The following PPIP5K2 variants were observed in gnomAD, a reference collection of about 807,000 sequenced individuals.
PPIP5K2 encodes diphosphoinositol pentakisphosphate kinase 2.
Under a neutral mutation model 154.6 loss-of-function variants are expected in PPIP5K2, and 105 were observed. That is an observed-to-expected ratio of 0.68 (90% CI 0.58 to 0.80). PPIP5K2 has a LOEUF of 0.80. PPIP5K2 is among the 30% of genes least tolerant of loss of function. The pLI, the probability that PPIP5K2 is intolerant of heterozygous loss-of-function variation, is 0.00. For missense variants in PPIP5K2, 992 were observed against 1,504.6 expected, an observed-to-expected ratio of 0.66 and a Z score of 5.64; for synonymous variants, 480 against 490.3, an observed-to-expected ratio of 0.98 and a Z score of 0.28.
Position 103,206,876 on chromosome 5 carries a change from A to T in PPIP5K2, c.*5242A>T, listed in dbSNP as rs1803543746. The T allele has an allele frequency of 6.6e-6, 1 of 152,254 alleles. No individual in the cohort carries two copies. Among genetic ancestry groups the T allele is most frequent in the Non-Finnish European group, 1.5e-5 (1 of 68,092 alleles). The allele number at this position is 152,254 out of a possible 1,614,324, so 9.4% of individuals were successfully genotyped here. A position where few individuals can be genotyped will look rare whatever the true frequency, so the allele number is the denominator to read the frequency against. On this transcript the variant is annotated 3_prime_UTR_variant, in exon 31 of 31. Coordinates refer to ENST00000358359, the MANE Select transcript of PPIP5K2 (RefSeq NM_001276277.3). ...ACAAAAGGTTCCTGCCATCTTATGGACCTCAAGGACTGCGGACAGGGAGCA... is the reference window on the plus strand; with the variant it reads ...ACAAAAGGTTCCTGCCATCTTATGGTCCTCAAGGACTGCGGACAGGGAGCA...
chr5:103,143,429 C>T (rs1793183716), intron 5 of PPIP5K2, among the ~76,000 whole-genome samples: 1 of 152,164 alleles, frequency 6.6e-6, no homozygotes, highest in Non-Finnish European at 1.5e-5. Context: ...TCATGTGATC[C>T]TCCTGTCTCA....
At chr5:103,170,527 T>G (rs1797818546) in intron 19 of PPIP5K2, among the ~76,000 whole-genome samples, 1 of 151,642 alleles carries the variant, frequency 6.6e-6, no homozygotes, top group South Asian at 2.1e-4. Flanking sequence ...ATTCATAGTT[T>G]TAAAACAAAA....
Position 103,190,898 on chromosome 5 carries a change from G to A in PPIP5K2, c.3409G>A (p.Ala1137Thr). Residue 1137 changes from alanine to threonine, a missense_variant, in exon 29 of 31, where the codon GCC becomes ACC. Ala to Thr is a moderately conservative substitution (Grantham distance 58). Coordinates refer to ENST00000358359, the MANE Select transcript of PPIP5K2 (RefSeq NM_001276277.3). ...SICPLETLHN[A>T]LSLKQVDEFL... Reference sequence around the variant, plus strand: ...TTGTCCTCTAGAAACTCTTCATAATGCCCTATCTTTAAAGCAAGTGGATGA... The same window carrying A: ...TTGTCCTCTAGAAACTCTTCATAATACCCTATCTTTAAAGCAAGTGGATGA... 1 of 1,609,002 alleles carries A rather than the reference G, an allele frequency of 6.2e-7. No individual in the cohort carries two copies. Among genetic ancestry groups the A allele is most frequent in the Non-Finnish European group, 8.5e-7 (1 of 1,177,214 alleles).
chr5:103,203,226 AT>A lies in PPIP5K2; in HGVS notation c.*1597del, dbSNP rs1187993957. ...AGAATCAAAGAGACTTAAATGGTAAATTTTTAAAATTTTCTTATCTCTTACT... is the reference window on the plus strand; with the variant it reads ...AGAATCAAAGAGACTTAAATGGTAAATTTTAAAATTTTCTTATCTCTTACT... On this transcript the variant is annotated 3_prime_UTR_variant, in exon 31 of 31. Transcript: ENST00000358359. 3 of 152,534 alleles carry A rather than the reference AT, an allele frequency of 2.0e-5. No homozygotes were observed. Among genetic ancestry groups the A allele is most frequent in the African/African-American group, 7.2e-5 (3 of 41,452 alleles). The allele number at this position is 152,534 out of a possible 1,614,324, so 9.4% of individuals were successfully genotyped here. A position where few individuals can be genotyped will look rare whatever the true frequency, so the allele number is the denominator to read the frequency against.
intron 28 of PPIP5K2, 66 bp downstream of exon 28, chr5:103,187,442 T>C: frequency 8.0e-7 from 1 of 1,252,366 alleles, no homozygotes; most frequent in Non-Finnish European, 1.1e-6. Context: ...TTATTTTATT[T>C]CAAAATGTGG....
At chr5:103,136,666 A>G in intron 3 of PPIP5K2, 66 bp from the exon 4 acceptor site, 1 of 1,260,014 alleles carries the variant, frequency 7.9e-7, no homozygotes, top group Non-Finnish European at 1.2e-6. Flanking sequence ...GCATCAATTC[A>G]AGTTAATAAA....
At chr5:103,155,696 G>A (rs1437597581) in intron 13 of PPIP5K2, among the ~76,000 whole-genome samples, 1 of 151,788 alleles carries the variant, frequency 6.6e-6, no homozygotes, top group East Asian at 1.9e-4. Context: ...AAAGTGCTGG[G>A]ATTACAGGCT....
chr5:103,158,412 A>G, intron 15 of PPIP5K2, 40 bp from the exon 16 acceptor site: 1 of 1,591,580 alleles, frequency 6.3e-7, no homozygotes, highest in Non-Finnish European at 8.5e-7. Flanking sequence ...ATACAATGAA[A>G]TGAAAATATA....
rs781862813 is a variant in PPIP5K2 at position 103,154,858 on chromosome 5, C to T, written c.1318C>T (p.Leu440Phe). The T allele has an allele frequency of 6.3e-7, 1 of 1,599,840 alleles. No homozygotes were observed. Among genetic ancestry groups the T allele is most frequent in the Non-Finnish European group, 8.5e-7 (1 of 1,174,940 alleles). The change falls in exon 13 of 31, where the codon CTT becomes TTT. Residue 440 changes from leucine (L) to phenylalanine (F), a missense_variant. Leu to Phe is a conservative substitution (Grantham distance 22, BLOSUM62 0). This residue lies in a region of PPIP5K2 where 163 missense variants were observed against 285.2 expected (regional missense o/e 0.57). Coordinates refer to ENST00000358359, the MANE Select transcript of PPIP5K2 (RefSeq NM_001276277.3). ...LQEVLDIARQ[L>F]LMELGQNNDS... ...GGAAGTGCTAGATATTGCACGACAG[C>T]TTCTTATGGAGCTAGGGCAAAATAA...
chr5:103,133,086 A>G (rs1397291663), intron 2 of PPIP5K2, among the ~76,000 whole-genome samples: 1 of 152,198 alleles, frequency 6.6e-6, no homozygotes, highest in African/African-American at 2.4e-5. Flanking sequence ...AGAATTCTTT[A>G]TCTTTCTACA....
intron 1 of PPIP5K2, chr5:103,120,814 A>C (rs1288365695): frequency 3.9e-6 from 1 of 258,442 alleles, no homozygotes; most frequent in Non-Finnish European, 8.1e-6. Flanking sequence ...CACTGAAGTG[A>C]TTAGCCTCGA....
At chr5:103,139,001 T>C (rs1263816918) in intron 5 of PPIP5K2, among the ~76,000 whole-genome samples, 4 of 152,220 alleles carry the variant, frequency 2.6e-5, no homozygotes, top group African/African-American at 9.6e-5. Flanking sequence ...CAGAGCCAAC[T>C]GTGGGACTTG....
rs982401784 is a variant in PPIP5K2, at chr5:103,129,490, G to A, written c.-100G>A. The A allele has an allele frequency of 1.6e-5, 15 of 933,666 alleles. No individual in the cohort carries two copies. The highest frequency in any genetic ancestry group is 2.1e-5 in the Non-Finnish European group (14 of 660,870). 57.8% of individuals were successfully genotyped at this position (933,666 alleles called of 1,614,324 possible). ...GAAACAAGCTGTCACAGACCTGTGC[G>A]TCAGCTAATATATGGAGAATGCTTT... is the stretch of plus-strand genomic sequence containing the variant. On this transcript the variant is annotated 5_prime_UTR_variant, in exon 2 of 31. Transcript: ENST00000358359.
chr5:103,195,126 A>T, intron 30 of PPIP5K2, 101 bp downstream of exon 30: 1 of 1,421,626 alleles, frequency 7.0e-7, no homozygotes, highest in South Asian at 1.4e-5. Flanking sequence ...GTATCTTTGC[A>T]CTTCCCTAGA....
intron 6 of PPIP5K2, 83 bp downstream of exon 6, chr5:103,146,764 C>A: frequency 2.6e-6 from 3 of 1,163,276 alleles, no homozygotes; most frequent in South Asian, 1.8e-5. Context: ...ATTTAATTAC[C>A]GTTAAATATT....
At chr5:103,127,706 A>G (rs1335068080) in intron 1 of PPIP5K2, among the ~76,000 whole-genome samples, 2 of 152,116 alleles carry the variant, frequency 1.3e-5, no homozygotes, top group Admixed American at 6.5e-5. Context: ...TCCCTTTTTT[A>G]TAGACTAATA....
rs782387190 is a variant in PPIP5K2, at chr5:103,208,990, G to A, written c.*7356G>A. 1.2e-4 allele frequency: 18 copies of A among 152,264 alleles called. No homozygotes were observed. In the South Asian group the frequency reaches 1.2e-3, roughly 11 times the overall value. The allele number at this position is 152,264 out of a possible 1,614,324, so 9.4% of individuals were successfully genotyped here. On this transcript the variant is annotated 3_prime_UTR_variant, in exon 31 of 31. Coordinates refer to ENST00000358359, the MANE Select transcript of PPIP5K2 (RefSeq NM_001276277.3). ...TATTCTTTGACAAGAAGGAAGAGGA[G>A]GAGGAAGAAGAACAAAAGAAGCCTG...
chr5:103,203,875 G>A lies in PPIP5K2; in HGVS notation c.*2241G>A, dbSNP rs1803327593. On this transcript the variant is annotated 3_prime_UTR_variant, in exon 31 of 31. Coordinates refer to ENST00000358359, the MANE Select transcript of PPIP5K2 (RefSeq NM_001276277.3). ...AAATACTAGCAAATTTGGGGGGCGT[G>A]GTACAGCAATTTTGGGTGAAGAAAA... 1 of 152,038 alleles carries A rather than the reference G, an allele frequency of 6.6e-6. No individual in the cohort carries two copies. The highest frequency in any genetic ancestry group is 2.1e-4 in the South Asian group (1 of 4,822). The allele number at this position is 152,038 out of a possible 1,614,324, so 9.4% of individuals were successfully genotyped here. A position where few individuals can be genotyped will look rare whatever the true frequency, so the allele number is the denominator to read the frequency against.
At chr5:103,161,617 A>G (rs1472089952) in intron 17 of PPIP5K2, among the ~76,000 whole-genome samples, 1 of 152,076 alleles carries the variant, frequency 6.6e-6, no homozygotes, top group Non-Finnish European at 1.5e-5. Context: ...CCTCTCCAGC[A>G]CCTGTTGTTT....
Sources: gnomAD v4.1 joint callset for allele counts (sites outside exome capture counted in the v4.1 genomes callset) on GRCh38, gnomAD v4.1.1 for gene constraint, gnomAD v4.1.1 regional missense constraint, MANE v1.5 for transcripts, NCBI Gene and HGNC (gene_info 2026-07-23, HGNC 2026-07-21) for gene names.